Variants in APPL2 observed in about 807,000 individuals in gnomAD.
APPL2 encodes the protein DCC-interacting protein 13-beta.
In APPL2, 84 loss-of-function variants were observed where a neutral mutation model predicts 92.7. The ratio of observed to expected loss-of-function variants is 0.91; its 90% CI spans 0.76 to 1.09. The LOEUF is 1.09. Among genes scored for constraint, APPL2 ranks in the 50% least tolerant of loss-of-function variants. The pLI, the probability that APPL2 is intolerant of heterozygous loss-of-function variation, is 0.00. For missense variants in APPL2, 736 were observed against 824.5 expected (o/e 0.89, Z 1.31); for synonymous variants, 291 against 291.0 (o/e 1.00, Z 0.00).
chr12:105,188,732 C>T (rs753885309), intron 16 of APPL2, among the ~76,000 whole-genome samples: 6 of 152,196 alleles, frequency 3.9e-5, no homozygotes, highest in African/African-American at 7.2e-5. Flanking sequence ...AATGCTGAAA[C>T]TCTAGGTGAC....
intron 5 of APPL2, among the ~76,000 whole-genome samples, chr12:105,210,404 T>C (rs753252511): frequency 7.2e-5 from 11 of 152,230 alleles, no homozygotes; most frequent in Non-Finnish European, 1.3e-4. Context: ...TTAGGCTTTT[T>C]TGGGGCCAGC....
chr12:105,232,585 C>A (rs1891002768), intron 1 of APPL2, among the ~76,000 whole-genome samples: 1 of 151,920 alleles, frequency 6.6e-6, no homozygotes, highest in Non-Finnish European at 1.5e-5. Flanking sequence ...GGCAACACAG[C>A]AAGACTCTGT....
intron 8 of APPL2, 159 bp downstream of exon 8, chr12:105,206,902 C>T: frequency 1.1e-6 from 1 of 896,178 alleles, no homozygotes; most frequent in Non-Finnish European, 1.6e-6. Flanking sequence ...TGACCCAGCT[C>T]AACTGGAAGC....
intron 7 of APPL2, 98 bp from the exon 8 acceptor site, chr12:105,207,305 A>ATT: frequency 1.6e-6 from 2 of 1,218,548 alleles, no homozygotes; most frequent in Non-Finnish European, 2.2e-6. Flanking sequence ...CATTATAACC[A>ATT]TTTTTGTGAC....
chr12:105,200,831 CGTATGTATGTATGTATGTAT>C (rs67064501), intron 9 of APPL2, among the ~76,000 whole-genome samples: 1 of 144,396 alleles, frequency 6.9e-6, no homozygotes, highest in Admixed American at 6.9e-5. Context: ...CCACTCTCTA[CGTATGTATGTATGTATGTAT>C]GTATGTATGT....
intron 7 of APPL2, 119 bp downstream of exon 7, chr12:105,207,852 C>A: frequency 1.2e-6 from 1 of 834,248 alleles, no homozygotes; most frequent in Non-Finnish European, 1.9e-6. Context: ...TTTTAAAAGT[C>A]CATGTATAGT....
At chr12:105,233,166 G>A in intron 1 of APPL2, 4 of 985,466 alleles carry the variant, frequency 4.1e-6, no homozygotes, top group Non-Finnish European at 4.8e-6. Context: ...TATCGCAGCA[G>A]GATTCACACT....
At chr12:105,183,122 C>T (rs1886276059) in intron 17 of APPL2, among the ~76,000 whole-genome samples, 1 of 136,352 alleles carries the variant, frequency 7.3e-6, no homozygotes, top group Admixed American at 7.9e-5. Context: ...AATCTTCCTC[C>T]ATCCCTTTAT....
intron 17 of APPL2, among the ~76,000 whole-genome samples, chr12:105,181,142 C>G (rs983077627): frequency 6.6e-6 from 1 of 152,118 alleles, no homozygotes; most frequent in Non-Finnish European, 1.5e-5. Flanking sequence ...CCATCAATAC[C>G]TAGTTTATTG....
At chr12:105,208,787 C>A (rs1399052507) in intron 5 of APPL2, among the ~76,000 whole-genome samples, 6 of 152,152 alleles carry the variant, frequency 3.9e-5, no homozygotes, top group Non-Finnish European at 2.9e-5. Flanking sequence ...CTGAACCAAG[C>A]CCAAGACCAA....
intron 17 of APPL2, among the ~76,000 whole-genome samples, chr12:105,178,274 T>C (rs1476811468): frequency 6.6e-6 from 1 of 152,212 alleles, no homozygotes; most frequent in African/African-American, 2.4e-5. Flanking sequence ...CTATACATTT[T>C]ATAGGTGAAA....
chr12:105,176,801 G>T, intron 19 of APPL2, 75 bp downstream of exon 19: 2 of 1,536,344 alleles, frequency 1.3e-6, no homozygotes, highest in Non-Finnish European at 8.8e-7. Flanking sequence ...ATCCAAGGAA[G>T]TAATGCCAGA....
chr12:105,218,406 C>G (rs563426116), intron 2 of APPL2, among the ~76,000 whole-genome samples: 6 of 151,878 alleles, frequency 4.0e-5, no homozygotes, highest in Admixed American at 3.9e-4. Context: ...CAGGGAAGCA[C>G]GCATCAAAAA....
chr12:105,229,530 A>G lies in APPL2; in HGVS notation c.55-307T>C, dbSNP rs1592842658. The G allele has an allele frequency of 3.9e-6, 4 of 1,027,966 alleles. No individual in the cohort carries two copies. In the East Asian group the frequency reaches 3.3e-4, roughly 84 times the overall value. 63.7% of individuals were successfully genotyped at this position (1,027,966 alleles called of 1,614,324 possible). ...TCTGTTCTGACTTTAGCCCCTACCT[A>G]AGCACCAGTAAAGTCTATCCAATAA... On this transcript the variant is annotated intron_variant, in intron 1 of 20. Transcript: ENST00000258530.
chr12:105,202,611 T>C (rs1374692740), intron 9 of APPL2, among the ~76,000 whole-genome samples: 4 of 152,208 alleles, frequency 2.6e-5, no homozygotes, highest in African/African-American at 4.8e-5. Flanking sequence ...TCTCATCTTC[T>C]ACCTCCTCCT....
At chr12:105,225,096 A>C (rs1167735306) in intron 2 of APPL2, among the ~76,000 whole-genome samples, 1 of 152,072 alleles carries the variant, frequency 6.6e-6, no homozygotes, top group Non-Finnish European at 1.5e-5. Context: ...TTGCTGAAGG[A>C]AAGTGAGAGT....
rs12303948 is a variant in APPL2 at position 105,197,791 on chromosome 12, G to C, written c.1026C>G (p.Phe342Leu). 6.2e-7 allele frequency: 1 copy of C among 1,614,076 alleles called. No individual in the cohort carries two copies. The highest frequency in any genetic ancestry group is 8.5e-7 in the Non-Finnish European group (1 of 1,180,038). The change falls in exon 11 of 21, where the codon TTC (phenylalanine) becomes TTG (leucine). Residue 342 changes from phenylalanine (F) to leucine (L), a missense_variant. By Grantham distance (22) the Phe-to-Leu change is conservative (BLOSUM62 0). Coordinates refer to ENST00000258530, the MANE Select transcript of APPL2 (RefSeq NM_018171.5). ...ATTTTCCATTGGGCGTGGTGATCTG[G>C]AAGCAGTAGCGCCGGTCTTCGCAAT... ...AVDCEDRRYC[F>L]QITTPNGKSG... is the part of the protein sequence containing the mutation.
intron 1 of APPL2, among the ~76,000 whole-genome samples, chr12:105,232,832 G>A (rs984542156): frequency 2.7e-5 from 4 of 150,298 alleles, no homozygotes; most frequent in Non-Finnish European, 4.4e-5. Context: ...ACAAAAAGAG[G>A]AACAGCACAA....
intron 2 of APPL2, among the ~76,000 whole-genome samples, chr12:105,225,554 C>T (rs1048443354): frequency 1.1e-4 from 16 of 152,172 alleles, no homozygotes; most frequent in African/African-American, 3.4e-4. Flanking sequence ...TTAGACATAA[C>T]TGAAGTTTTT....
Sources: gnomAD v4.1 joint callset for allele counts (sites outside exome capture counted in the v4.1 genomes callset) on GRCh38, gnomAD v4.1.1 for gene constraint, MANE v1.5 for transcripts, NCBI Gene and HGNC (gene_info 2026-07-23, HGNC 2026-07-21) for gene names.